Variants in ROBO2 observed in about 807,000 individuals in gnomAD.
The protein encoded by ROBO2 is roundabout guidance receptor 2, also known as roundabout homolog 2.
ROBO2 carries 53 observed loss-of-function variants against 160.8 expected under a neutral mutation model. The observed-to-expected ratio is 0.33, with a 90% CI of 0.26 to 0.41. ROBO2 has a LOEUF of 0.41. Among genes scored for constraint, ROBO2 ranks in the 10% least tolerant of loss-of-function variants. The pLI is 1.00. For synonymous variants in ROBO2, 664 were observed against 611.7 expected, an observed-to-expected ratio of 1.09 and a Z score of -1.26; for missense variants, 1,577 against 1,722.4, an observed-to-expected ratio of 0.92 and a Z score of 1.49.
At chr3:76,959,247 C>T (rs1446620837) in intron 2 of ROBO2, among the ~76,000 whole-genome samples, 1 of 152,136 alleles carries the variant, frequency 6.6e-6, no homozygotes, top group Non-Finnish European at 1.5e-5. Context: ...GTTTAATTTA[C>T]AAGTGAAGTT....
chr3:77,456,856 C>T (rs2081698205), intron 2 of ROBO2, among the ~76,000 whole-genome samples: 1 of 152,146 alleles, frequency 6.6e-6, no homozygotes, highest in Admixed American at 6.5e-5. Flanking sequence ...CATCATGGAA[C>T]ACAACTCAGG....
chr3:75,944,005 CTAAGA>C (rs1462219253), intron 2 of ROBO2, among the ~76,000 whole-genome samples: 1 of 151,962 alleles, frequency 6.6e-6, no homozygotes, highest in Non-Finnish European at 1.5e-5. Flanking sequence ...CCAGGCTAAG[CTAAGA>C]TATTCTAGAA....
intron 2 of ROBO2, among the ~76,000 whole-genome samples, chr3:76,472,867 G>A (rs1390879006): frequency 6.6e-6 from 1 of 152,126 alleles, no homozygotes; most frequent in Non-Finnish European, 1.5e-5. Context: ...TGTGATCGCT[G>A]GGACAGCATG....
At position 76,656,439 on chromosome 3, in the gene ROBO2, C is replaced by A. The variant is rs181237751; in HGVS notation, c.110-441575C>A. Among the ~76,000 whole-genome samples, 42 of 152,164 alleles carry A rather than the reference C, an allele frequency of 2.8e-4. No homozygotes were observed. The East Asian group carries it at 8.2e-3, about 30-fold the overall frequency. ...CTACACATAGCACTATTAATCTTTT[C>A]TCTCAACAAGCACATTACCTGCACT... On this transcript the variant is annotated intron_variant, in intron 2 of 26. Coordinates refer to the ROBO2 transcript ENST00000487694.
intron 1 of ROBO2, among the ~76,000 whole-genome samples, chr3:77,053,797 A>G (rs1366031200): frequency 6.6e-6 from 1 of 152,214 alleles, no homozygotes; most frequent in Non-Finnish European, 1.5e-5. Flanking sequence ...GGAAATAATC[A>G]GAAATCTAGA....
intron 2 of ROBO2, among the ~76,000 whole-genome samples, chr3:76,134,395 T>TA (rs1370601916): frequency 6.6e-6 from 1 of 152,130 alleles, no homozygotes; most frequent in Non-Finnish European, 1.5e-5. Context: ...TAAGTGGACT[T>TA]ACGAGTGTTT....
intron 2 of ROBO2, among the ~76,000 whole-genome samples, chr3:76,944,231 A>C (rs1169383884): frequency 1.3e-5 from 2 of 152,170 alleles, no homozygotes; most frequent in Non-Finnish European, 2.9e-5. Flanking sequence ...TACATACTAC[A>C]ATCCTATACT....
chr3:77,452,375 G>A (rs777365378), intron 2 of ROBO2, among the ~76,000 whole-genome samples: 4 of 151,962 alleles, frequency 2.6e-5, no homozygotes, highest in East Asian at 3.9e-4. Context: ...TTTTTCTCCC[G>A]CTCTCTCCTT....
At chr3:77,094,909 T>G (rs1371875100) in intron 1 of ROBO2, among the ~76,000 whole-genome samples, 1 of 152,192 alleles carries the variant, frequency 6.6e-6, no homozygotes, top group Non-Finnish European at 1.5e-5. Context: ...TATTGAGTTA[T>G]GAGTTCTTTA....
chr3:76,297,121 T>C (rs1337772801), intron 2 of ROBO2, among the ~76,000 whole-genome samples: 1 of 152,208 alleles, frequency 6.6e-6, no homozygotes, highest in Non-Finnish European at 1.5e-5. Flanking sequence ...ATACTGGTTA[T>C]GTGGGATTTT....
At chr3:75,994,972 C>A (rs2065683884) in intron 2 of ROBO2, among the ~76,000 whole-genome samples, 3 of 152,162 alleles carry the variant, frequency 2.0e-5, no homozygotes, top group Admixed American at 6.5e-5. Flanking sequence ...CCCTAGAGAT[C>A]TATGGAACTT....
chr3:77,264,508 A>C (rs2058997427), intron 2 of ROBO2, among the ~76,000 whole-genome samples: 1 of 151,966 alleles, frequency 6.6e-6, no homozygotes, highest in Non-Finnish European at 1.5e-5. Flanking sequence ...CTCAGCCATC[A>C]GAGGAATGTT....
In ROBO2 at chr3:76,834,187, C is replaced by CTCTT. The variant is rs1307644698; in HGVS notation, c.110-263806_110-263803dup. On this transcript the variant is annotated intron_variant, in intron 2 of 26. Transcript: ENST00000487694. ...TTTCTTTCTTTCTCTCTCTCTCTCT[C>CTCTT]TCTTTCTTTCTTTCTTTCTTTCTTG... Among the ~76,000 whole-genome samples, 147 of 111,882 alleles carry CTCTT rather than the reference C, an allele frequency of 1.3e-3. 4 individuals are homozygous for CTCTT. The highest frequency in any genetic ancestry group is 3.1e-3 in the African/African-American group (93 of 30,340). 73.4% of individuals were successfully genotyped at this position (111,882 alleles called of 152,430 possible). A position where few individuals can be genotyped will look rare whatever the true frequency, so the allele number is the denominator to read the frequency against.
At position 77,040,226 on chromosome 3, in the gene ROBO2, A is replaced by T. The variant is rs1442238119; in HGVS notation, c.-560A>T. 1.8e-5 allele frequency: 18 copies of T among 986,638 alleles called. No individual in the cohort carries two copies. The highest frequency in any genetic ancestry group is 2.0e-5 in the Non-Finnish European group (17 of 830,944). 61.1% of individuals were successfully genotyped at this position (986,638 alleles called of 1,614,324 possible). A position where few individuals can be genotyped will look rare whatever the true frequency, so the allele number is the denominator to read the frequency against. ...GCCCGCCAAGTCTGCCCGCCTGCAA[A>T]GTGTTGCTTTGACACATTCTTATTA... On this transcript the variant is annotated 5_prime_UTR_variant, in exon 1 of 26. The change creates a new upstream start codon in the 5' untranslated region. Transcript: ENST00000461745.
chr3:76,989,783 G>T (rs1456296520), intron 2 of ROBO2, among the ~76,000 whole-genome samples: 1 of 152,098 alleles, frequency 6.6e-6, no homozygotes, highest in Admixed American at 6.6e-5. Context: ...GGACAAAGCA[G>T]TTCAACAAGT....
At chr3:77,568,347 G>A in exon 13 of ROBO2, 1 of 1,612,914 alleles carries the variant, frequency 6.2e-7, no homozygotes, top group Non-Finnish European at 8.5e-7. Flanking sequence ...TGGACCACAG[G>A]CAAGTGCAGA....
intron 2 of ROBO2, among the ~76,000 whole-genome samples, chr3:76,894,177 A>G (rs957238231): frequency 2.0e-5 from 3 of 152,108 alleles, no homozygotes; most frequent in Non-Finnish European, 2.9e-5. Flanking sequence ...CCTATTACCA[A>G]TACTTGCATT....
intron 2 of ROBO2, among the ~76,000 whole-genome samples, chr3:76,103,031 G>T (rs1471243311): frequency 1.3e-5 from 2 of 152,038 alleles, no homozygotes; most frequent in African/African-American, 4.8e-5. Flanking sequence ...CACCATGTTA[G>T]CCAGGATGGT....
At chr3:77,079,426 A>G (rs2068385094) in intron 1 of ROBO2, among the ~76,000 whole-genome samples, 2 of 152,184 alleles carry the variant, frequency 1.3e-5, no homozygotes, top group Non-Finnish European at 2.9e-5. Flanking sequence ...TTTCCTAACA[A>G]CAAAGGTCTT....
Sources: allele counts gnomAD v4.1 joint callset (sites outside exome capture counted in the v4.1 genomes callset), GRCh38; gene constraint gnomAD v4.1.1; transcripts MANE v1.5; gene names NCBI Gene and HGNC (gene_info 2026-07-23, HGNC 2026-07-21).